The following SULF2 variants were observed in gnomAD, a reference collection of about 807,000 sequenced individuals.
SULF2 encodes the protein extracellular sulfatase Sulf-2.
In SULF2, 52 loss-of-function variants were observed where a neutral mutation model predicts 107.7. The observed-to-expected ratio is 0.48, with a 90% CI of 0.39 to 0.61. The LOEUF (loss-of-function observed/expected upper bound fraction) is 0.61, where lower values mean the gene tolerates loss of function less well. Among genes scored for constraint, SULF2 ranks in the 20% least tolerant of loss-of-function variants. SULF2 has a pLI of 0.00. For missense variants in SULF2, 993 were observed against 1,177.3 expected, an observed-to-expected ratio of 0.84 and a Z score of 2.29; for synonymous variants, 460 against 464.3, an observed-to-expected ratio of 0.99 and a Z score of 0.12.
At chr20:47,675,661 C>A (rs1174065445) in intron 10 of SULF2, among the ~76,000 whole-genome samples, 1 of 152,098 alleles carries the variant, frequency 6.6e-6, no homozygotes, top group Non-Finnish European at 1.5e-5. Flanking sequence ...AAAGTCCCAG[C>A]CTTTGACAGG....
chr20:47,724,431 G>A (rs934870104), intron 3 of SULF2, among the ~76,000 whole-genome samples: 19 of 152,210 alleles, frequency 1.2e-4, no homozygotes, highest in African/African-American at 3.9e-4. Context: ...CCTGCTGACT[G>A]GTTGTAGCAG....
At chr20:47,749,235 A>G (rs572039457) in intron 2 of SULF2, among the ~76,000 whole-genome samples, 4 of 152,300 alleles carry the variant, frequency 2.6e-5, no homozygotes, top group Middle Eastern at 6.8e-3. Flanking sequence ...ACCTCCAGAC[A>G]TTTGTATAAT....
chr20:47,753,464 C>T (rs1293425053), intron 2 of SULF2, among the ~76,000 whole-genome samples: 3 of 152,226 alleles, frequency 2.0e-5, no homozygotes, highest in East Asian at 3.8e-4. Flanking sequence ...TGAAACTGCC[C>T]GTCACCCTCA....
intron 3 of SULF2, among the ~76,000 whole-genome samples, chr20:47,714,493 T>C (rs776361295): frequency 3.3e-5 from 5 of 152,140 alleles, no homozygotes; most frequent in Admixed American, 1.3e-4. Flanking sequence ...CCTGTCACCA[T>C]CTTGGTCCAA....
intron 1 of SULF2, among the ~76,000 whole-genome samples, chr20:47,758,644 T>TCA (rs2090350893): frequency 6.6e-6 from 1 of 152,112 alleles, no homozygotes. Flanking sequence ...CGACTCTGGC[T>TCA]CAAGCAGGTC....
At chr20:47,724,196 C>T (rs768959331) in intron 3 of SULF2, among the ~76,000 whole-genome samples, 12 of 152,198 alleles carry the variant, frequency 7.9e-5, no homozygotes, top group Non-Finnish European at 1.8e-4. Flanking sequence ...GGTTTTCAGC[C>T]GGAAGTGATG....
At position 47,731,926 on chromosome 20, in the gene SULF2, G is replaced by A. The variant is rs183355377; in HGVS notation, c.415+4777C>T. Reference sequence around the variant, plus strand: ...CGTTTGCATTTTGCTGATTACCAGAGGCTGAGCACATGCTGCCACATTTTG... The same window carrying A: ...CGTTTGCATTTTGCTGATTACCAGAAGCTGAGCACATGCTGCCACATTTTG... On this transcript the variant is annotated intron_variant, in intron 3 of 20. Transcript: ENST00000688720. Among the ~76,000 whole-genome samples the A allele has an allele frequency of 1.8e-4, 28 of 152,330 alleles. No homozygotes were observed. The East Asian group carries it at 4.8e-3, about 26-fold the overall frequency.
chr20:47,784,397 GGGA>G (rs11470952), intron 1 of SULF2, among the ~76,000 whole-genome samples: 21,697 of 151,934 alleles, frequency 0.14, 1,884 homozygotes, highest in South Asian at 0.21. Flanking sequence ...GCTTTCAAGG[GGGA>G]GGAGGAGGAG....
chr20:47,662,965 T>C, intron 17 of SULF2, 105 bp downstream of exon 17: 1 of 1,405,166 alleles, frequency 7.1e-7, no homozygotes, highest in Non-Finnish European at 9.9e-7. Context: ...AGGGACTCAG[T>C]GGGACTTGGA....
chr20:47,665,956 G>A lies in SULF2; in HGVS notation c.1806-3C>T. The A allele has an allele frequency of 6.2e-7, 1 of 1,613,490 alleles. No homozygotes were observed. The highest frequency in any genetic ancestry group is 1.1e-5 in the South Asian group (1 of 91,068). ...TGTCGTTCTCTAGGATGTAGCACCTGCTTGAGAGAAGGGATCACGTGTGGC... is the reference window on the plus strand; with the variant it reads ...TGTCGTTCTCTAGGATGTAGCACCTACTTGAGAGAAGGGATCACGTGTGGC... On this transcript the variant is annotated splice_polypyrimidine_tract_variant and splice_region_variant and intron_variant, in intron 12 of 20. Transcript: ENST00000688720.
At chr20:47,662,906 A>G (rs574087223) in intron 17 of SULF2, among the ~76,000 whole-genome samples, 164 bp downstream of exon 17, 2 of 118,356 alleles carry the variant, frequency 1.7e-5, no homozygotes, top group East Asian at 2.1e-4. Context: ...GGCTGATTGA[A>G]CACAGAACCC....
rs140243901 is a variant in SULF2, at chr20:47,661,891, C to G, written c.2376G>C (p.Met792Ile). The change falls in exon 18 of 21, where the codon ATG becomes ATC. Residue 792 changes from methionine to isoleucine, a missense_variant. By Grantham distance (10) the Met-to-Ile change is conservative. Coordinates refer to ENST00000688720, the MANE Select transcript of SULF2 (RefSeq NM_001387048.1). ...CCCTGTCCAGTGTGTTCACTGCATT[C>G]ATCAGCTGGTTGCAAAAAAGGTAGT... ...FDLNTDPYQLMNAVNTLDRDV... is the reference protein window; with the variant it reads ...FDLNTDPYQLINAVNTLDRDV... 19 of 1,553,808 alleles carry G rather than the reference C, an allele frequency of 1.2e-5. No individual in the cohort carries two copies. The African/African-American group carries it at 2.3e-4, about 19-fold the overall frequency.
At chr20:47,736,638 C>T in intron 3 of SULF2, 65 bp downstream of exon 3, 1 of 1,596,094 alleles carries the variant, frequency 6.3e-7, no homozygotes, top group Non-Finnish European at 8.5e-7. Context: ...GGTGTGCAGA[C>T]CACACCTAGG....
chr20:47,760,483 C>A (rs924354048), intron 1 of SULF2, among the ~76,000 whole-genome samples: 16 of 152,158 alleles, frequency 1.1e-4, no homozygotes, highest in Non-Finnish European at 2.9e-5. Context: ...CCCATCAAGT[C>A]TCGGGAAAGT....
At position 47,663,376 on chromosome 20, in the gene SULF2, G is replaced by A; in HGVS notation, c.2227+77C>T. 4 of 1,591,794 alleles carry A rather than the reference G, an allele frequency of 2.5e-6. No homozygotes were observed. The East Asian group carries it at 8.9e-5, about 36-fold the overall frequency. On this transcript the variant is annotated intron_variant, in intron 16 of 20. Coordinates refer to ENST00000688720, the MANE Select transcript of SULF2 (RefSeq NM_001387048.1). ...TGTTGGGGACCCCCTTTCTGAGAGA[G>A]GTCTGGGTCACTAAGTGGAGAAGTT... is the stretch of plus-strand genomic sequence containing the variant.
chr20:47,759,484 G>A (rs547856189), intron 1 of SULF2, among the ~76,000 whole-genome samples: 6 of 152,324 alleles, frequency 3.9e-5, no homozygotes, highest in African/African-American at 9.6e-5. Context: ...CTGAGGTCAG[G>A]AGTTCGAGAC....
At chr20:47,691,550 C>T (rs1461621727) in intron 4 of SULF2, among the ~76,000 whole-genome samples, 3 of 152,172 alleles carry the variant, frequency 2.0e-5, no homozygotes, top group African/African-American at 7.2e-5. Context: ...CTAATGGGTA[C>T]TCAGGATTGA....
rs79982126 is a variant in SULF2 at position 47,665,947 on chromosome 20, G to A, written c.1812C>T (p.Tyr604=). ...ACTGGACTGTGTCGTTCTCTAGGATGTAGCACCTGCTTGAGAGAAGGGATC... is the reference window on the plus strand; with the variant it reads ...ACTGGACTGTGTCGTTCTCTAGGATATAGCACCTGCTTGAGAGAAGGGATC... The part of the protein sequence containing the change: ...ANPIKVTHRC[Y]ILENDTVQCD... Residue 604 remains tyrosine, a synonymous_variant, in exon 13 of 21, where the codon TAC becomes TAT. Transcript: ENST00000688720. 15,861 of 1,613,940 alleles carry A rather than the reference G, an allele frequency of 9.8e-3. 112 individuals carry two copies. Among genetic ancestry groups the A allele is most frequent in the Non-Finnish European group, 0.011 (12,453 of 1,179,820 alleles).
intron 2 of SULF2, among the ~76,000 whole-genome samples, chr20:47,737,755 G>GTTTTTTTTTTT (rs11484375): frequency 8.1e-5 from 5 of 61,838 alleles, no homozygotes; most frequent in Admixed American, 2.3e-4. Flanking sequence ...TCTTTTCTTT[G>GTTTTTTTTTTT]TTTTTTTTTT....
Sources: gnomAD v4.1 joint callset for allele counts (sites outside exome capture counted in the v4.1 genomes callset) on GRCh38, gnomAD v4.1.1 for gene constraint, MANE v1.5 for transcripts, NCBI Gene and HGNC (gene_info 2026-07-23, HGNC 2026-07-21) for gene names.